FBXO46: variants seen among roughly 807,000 people sequenced by gnomAD.
The protein encoded by FBXO46 is F-box protein 46, also known as F-box only protein 46.
Under a neutral mutation model 30.7 loss-of-function variants are expected in FBXO46, and 13 were observed. The observed-to-expected ratio is 0.42, with a 90% CI of 0.28 to 0.67. The LOEUF is 0.67. Among genes scored for constraint, FBXO46 ranks in the 30% least tolerant of loss-of-function variants. FBXO46 has a pLI of 0.21. For synonymous variants in FBXO46, 467 were observed against 385.8 expected (o/e 1.21, Z -2.47); for missense variants, 754 against 871.5 (o/e 0.87, Z 1.70).
rs1224076295 is a variant in FBXO46 at position 45,713,678 on chromosome 19, C to T, written c.-78-105G>A. 5.7e-6 allele frequency: 3 copies of T among 530,628 alleles called. No homozygotes were observed. Among genetic ancestry groups the T allele is most frequent in the Admixed American group, 3.6e-5 (1 of 28,092 alleles). 32.9% of individuals were successfully genotyped at this position (530,628 alleles called of 1,614,324 possible). On this transcript the variant is annotated intron_variant, in intron 1 of 1. Coordinates refer to ENST00000317683, the MANE Select transcript of FBXO46 (RefSeq NM_001080469.2). The surrounding 1 kb of genome is among the most constrained non-coding windows in gnomAD (Gnocchi z 4.7). ...AGACCAAACCAGACCATCAAGAACT[C>T]TATTCCTGGCTGGGCGCGGTGGCTC...
At chr19:45,719,485 T>TA (rs1968143209) in intron 1 of FBXO46, among the ~76,000 whole-genome samples, 1 of 152,046 alleles carries the variant, frequency 6.6e-6, no homozygotes, top group South Asian at 2.1e-4. Context: ...GCCATAAACT[T>TA]ACAAATGACA....
intron 1 of FBXO46, among the ~76,000 whole-genome samples, chr19:45,730,345 T>C (rs1968292667): frequency 6.6e-6 from 1 of 151,798 alleles, no homozygotes; most frequent in African/African-American, 2.4e-5. Context: ...CCACCCTCAG[T>C]CCTGGAGCCT....
chr19:45,728,914 T>G (rs1324854826), intron 1 of FBXO46, among the ~76,000 whole-genome samples: 1 of 151,740 alleles, frequency 6.6e-6, no homozygotes, highest in Non-Finnish European at 1.5e-5. Flanking sequence ...GGCGGGCAGA[T>G]CACCTGAGGT....
chr19:45,716,253 C>A (rs1386514085), intron 1 of FBXO46: 1 of 152,116 alleles, frequency 6.6e-6, no homozygotes, highest in African/African-American at 2.4e-5. Flanking sequence ...CCAAGATTTT[C>A]GGGTAAGGGA....
intron 1 of FBXO46, among the ~76,000 whole-genome samples, chr19:45,723,166 A>C (rs960011650): frequency 2.6e-5 from 4 of 152,186 alleles, no homozygotes; most frequent in Non-Finnish European, 5.9e-5. Context: ...TGAGCCTTGG[A>C]GATCAAGACC....
rs905250838 is a variant in FBXO46, at chr19:45,712,240, G to A, written c.1256C>T (p.Pro419Leu). ...FFLQNRGPDG[P>L]PEPPPADSPA... is the part of the protein sequence containing the mutation. ...GGAGTCGGCCGGGGGTGGCTCCGGG[G>A]GCCCGTCCGGCCCGCGGTTCTGGAG... Residue 419 changes from proline (P) to leucine (L), a missense_variant, in exon 2 of 2, where the codon CCC (proline) becomes CTC (leucine). Physicochemically the swap from Pro to Leu is moderately conservative, Grantham distance 98. Around this residue, in one of 5 missense-constraint regions of FBXO46, gnomAD observed 454 missense variants for 426.5 expected, o/e 1.06. Coordinates refer to ENST00000317683, the MANE Select transcript of FBXO46 (RefSeq NM_001080469.2). The surrounding 1 kb of genome is among the most constrained non-coding windows in gnomAD (Gnocchi z 8.8). 4 of 1,604,454 alleles carry A rather than the reference G, an allele frequency of 2.5e-6. No homozygotes were observed. In the Admixed American group the frequency reaches 5.0e-5, roughly 20 times the overall value.
chr19:45,720,518 C>T (rs923807444), intron 1 of FBXO46, among the ~76,000 whole-genome samples: 2 of 152,180 alleles, frequency 1.3e-5, no homozygotes, highest in Non-Finnish European at 2.9e-5. Flanking sequence ...ATCCACCCGC[C>T]TCAGCCTCCC....
At chr19:45,721,887 C>G (rs1968177898) in intron 1 of FBXO46, among the ~76,000 whole-genome samples, 1 of 151,946 alleles carries the variant, frequency 6.6e-6, no homozygotes, top group African/African-American at 2.4e-5. Context: ...GTTGCCCAAG[C>G]TGGAGTGCAG....
In FBXO46 at chr19:45,711,536, A is replaced by T. The variant is rs1246863660; in HGVS notation, c.*148T>A. 2 of 727,258 alleles carry T rather than the reference A, an allele frequency of 2.8e-6. No individual in the cohort carries two copies. Among genetic ancestry groups the T allele is most frequent in the Admixed American group, 2.0e-5 (1 of 49,916 alleles). The allele number at this position is 727,258 out of a possible 1,614,324, so 45.1% of individuals were successfully genotyped here. On this transcript the variant is annotated 3_prime_UTR_variant, in exon 2 of 2. Transcript: ENST00000317683. ...ATCAAGCAGAGGGCTTTCCTGGGTCACCCCTGCTGAACCCCAGCTCAGTTC... is the reference window on the plus strand; with the variant it reads ...ATCAAGCAGAGGGCTTTCCTGGGTCTCCCCTGCTGAACCCCAGCTCAGTTC...
Position 45,711,951 on chromosome 19 carries a change from T to C in FBXO46, c.1545A>G (p.Thr515=), listed in dbSNP as rs757155522. 1.2e-6 allele frequency: 2 copies of C among 1,613,190 alleles called. No individual in the cohort carries two copies. Among genetic ancestry groups the C allele is most frequent in the Admixed American group, 1.7e-5 (1 of 59,996 alleles). The change falls in exon 2 of 2, where the codon ACA becomes ACG. Residue 515 remains threonine (T), a synonymous_variant. Transcript: ENST00000317683. ...GCGGGTCTCGGCTCCAGCGCGAGTC[T>C]GTGGCCCGCACGCCAAACGCCTCGA... ...GIIEAFGVRA[T]DSRWSRDPLY...
At chr19:45,719,136 G>A (rs1968138833) in intron 1 of FBXO46, among the ~76,000 whole-genome samples, 1 of 151,992 alleles carries the variant, frequency 6.6e-6, no homozygotes, top group African/African-American at 2.4e-5. Flanking sequence ...GTAGTCCCAA[G>A]TACTCAGGAG....
intron 1 of FBXO46, among the ~76,000 whole-genome samples, chr19:45,724,470 G>A (rs1968212296): frequency 6.6e-6 from 1 of 152,094 alleles, no homozygotes; most frequent in African/African-American, 2.4e-5. Flanking sequence ...TGGCAGGGTC[G>A]AGTCTGCACC....
At chr19:45,728,085 C>T (rs755988726) in intron 1 of FBXO46, among the ~76,000 whole-genome samples, 7 of 152,178 alleles carry the variant, frequency 4.6e-5, no homozygotes, top group Admixed American at 1.3e-4. Flanking sequence ...TACAGGCGCC[C>T]GCCACCACGC....
chr19:45,722,758 T>C (rs1234008832), intron 1 of FBXO46, among the ~76,000 whole-genome samples: 2 of 119,162 alleles, frequency 1.7e-5, no homozygotes, highest in Non-Finnish European at 3.5e-5. Flanking sequence ...CCAGACTCCG[T>C]CTCAAAAAAA....
At chr19:45,722,606 C>CA (rs1331615538) in intron 1 of FBXO46, among the ~76,000 whole-genome samples, 1 of 152,020 alleles carries the variant, frequency 6.6e-6, no homozygotes, top group East Asian at 1.9e-4. Context: ...ACTAAAAATA[C>CA]AAAAAATTAG....
chr19:45,718,880 C>T lies in FBXO46; in HGVS notation c.-78-5307G>A, dbSNP rs149039302. ...ACCAAAAATATGGAAAATCAAAAGA[C>T]GGCAAAAAACTGGCTGGGAAAACAC... On this transcript the variant is annotated intron_variant, in intron 1 of 1. Transcript: ENST00000317683. 2.9e-3 allele frequency among the ~76,000 whole-genome samples: 431 copies of T among 149,612 alleles called. 4 individuals are homozygous for T. The highest frequency in any genetic ancestry group is 0.01 in the African/African-American group (408 of 40,330).
chr19:45,722,444 G>A (rs980342079), intron 1 of FBXO46, among the ~76,000 whole-genome samples: 1 of 152,110 alleles, frequency 6.6e-6, no homozygotes, highest in East Asian at 1.9e-4. Context: ...CTGACCATCC[G>A]CTGAAACAAA....
At chr19:45,729,672 G>A (rs963665482) in intron 1 of FBXO46, among the ~76,000 whole-genome samples, 10 of 152,192 alleles carry the variant, frequency 6.6e-5, no homozygotes, top group Admixed American at 6.5e-4. Flanking sequence ...CTGTACTTCT[G>A]CTTCCTTTCT....
intron 1 of FBXO46, among the ~76,000 whole-genome samples, chr19:45,724,663 T>G (rs958864655): frequency 3.3e-5 from 5 of 151,978 alleles, no homozygotes; most frequent in Non-Finnish European, 7.4e-5. Context: ...ATTTCTTATT[T>G]TTTCTGTTCG....
Sources: gnomAD v4.1 joint callset for allele counts (sites outside exome capture counted in the v4.1 genomes callset) on GRCh38, gnomAD v4.1.1 for gene constraint, gnomAD v4.1.1 regional missense constraint, Gnocchi (gnomAD v3.1) non-coding constraint, MANE v1.5 for transcripts, NCBI Gene and HGNC (gene_info 2026-07-23, HGNC 2026-07-21) for gene names.